Variants in CACNA2D1 observed in about 807,000 individuals in gnomAD.
CACNA2D1 encodes voltage-dependent calcium channel subunit alpha-2/delta-1.
In CACNA2D1, 53 loss-of-function variants were observed where a neutral mutation model predicts 171.5. The observed-to-expected ratio is 0.31, with a 90% confidence interval of 0.25 to 0.39. The LOEUF (loss-of-function observed/expected upper bound fraction) is 0.39, where lower values mean the gene tolerates loss of function less well. Ranked by LOEUF, CACNA2D1 falls within the 10% of genes least tolerant of loss-of-function variation. The probability of loss-of-function intolerance (pLI) is 1.00; values close to 1 mark genes in which losing one functional copy is unlikely to be tolerated. For missense variants in CACNA2D1, 903 were observed against 1,299.8 expected (o/e 0.69, Z 4.69); for synonymous variants, 442 against 443.1 (o/e 1.00, Z 0.03).
At chr7:82,397,030 C>T (rs1454844898) in intron 1 of CACNA2D1, among the ~76,000 whole-genome samples, 2 of 152,036 alleles carry the variant, frequency 1.3e-5, no homozygotes, top group East Asian at 1.9e-4. Context: ...TGTCTTTCAC[C>T]TGTTTCTAGG....
intron 3 of CACNA2D1, among the ~76,000 whole-genome samples, chr7:82,326,951 G>A (rs1263882014): frequency 6.6e-6 from 1 of 152,158 alleles, no homozygotes; most frequent in Admixed American, 6.5e-5. Flanking sequence ...ATTCTATTAA[G>A]TTTGTGCAAA....
intron 1 of CACNA2D1, among the ~76,000 whole-genome samples, chr7:82,384,843 C>T (rs937965391): frequency 6.6e-6 from 1 of 152,154 alleles, no homozygotes; most frequent in African/African-American, 2.4e-5. Context: ...CTGCCAAAAA[C>T]AGCAGAGATG....
intron 2 of CACNA2D1, among the ~76,000 whole-genome samples, chr7:82,337,764 T>A (rs1185318328): frequency 2.0e-5 from 3 of 152,160 alleles, no homozygotes; most frequent in Non-Finnish European, 4.4e-5. Context: ...GAATGTAGCA[T>A]ATAGACAGAC....
chr7:82,443,499 G>A lies in CACNA2D1; in HGVS notation c.-40C>T, dbSNP rs200428602. The A allele has an allele frequency of 4.4e-6, 7 of 1,596,656 alleles. No individual in the cohort carries two copies. The highest frequency in any genetic ancestry group is 1.7e-4 in the Middle Eastern group (1 of 6,026). On this transcript the variant is annotated 5_prime_UTR_variant, in exon 1 of 39. Coordinates refer to ENST00000356860, the MANE Select transcript of CACNA2D1 (RefSeq NM_000722.4). ...ATCAATGCCCCCTCCCTGCCCAAGC[G>A]GGGGAAGGAGCGGCGCTGGAAACCG... is the stretch of plus-strand genomic sequence containing the variant.
Position 82,373,497 on chromosome 7 carries a change from TTTAA to T in CACNA2D1, c.96-23852_96-23849del, listed in dbSNP as rs372608034. ...TTTTCTGTGCTGTCAATTCCCCCTT[TTTAA>T]TTGTTACAGGATCTCATACATAATG... is the stretch of plus-strand genomic sequence containing the variant. On this transcript the variant is annotated intron_variant, in intron 1 of 38. Transcript: ENST00000356860. 7.3e-4 allele frequency among the ~76,000 whole-genome samples: 111 copies of T among 152,316 alleles called. No homozygotes were observed. The East Asian group carries it at 0.016, about 22-fold the overall frequency.
At chr7:82,398,166 G>C (rs1825943570) in intron 1 of CACNA2D1, among the ~76,000 whole-genome samples, 1 of 152,172 alleles carries the variant, frequency 6.6e-6, no homozygotes. Context: ...GGGCTCAATA[G>C]CCTTAGAGCC....
At chr7:82,399,829 C>T (rs949907202) in intron 1 of CACNA2D1, among the ~76,000 whole-genome samples, 9 of 151,896 alleles carry the variant, frequency 5.9e-5, no homozygotes, top group Admixed American at 1.3e-4. Context: ...ACCTTCACTA[C>T]ATTAAAGGTG....
chr7:82,031,544 T>G (rs1802700028), intron 12 of CACNA2D1, among the ~76,000 whole-genome samples: 1 of 151,920 alleles, frequency 6.6e-6, no homozygotes, highest in African/African-American at 2.4e-5. Flanking sequence ...CCTTAAACCT[T>G]ACATTAAACT....
chr7:82,360,798 T>C (rs776269462), intron 1 of CACNA2D1, among the ~76,000 whole-genome samples: 16 of 152,188 alleles, frequency 1.1e-4, no homozygotes, highest in Admixed American at 3.9e-4. Flanking sequence ...GGCACTTCTT[T>C]TAAATATAGC....
In CACNA2D1 at chr7:82,179,077, A is replaced by G. The variant is rs930708298; in HGVS notation, c.295-8468T>C. ...AGCTGTCCTCCTACACGACAAGCAT[A>G]CATCACCACCTAATTCTTAAAAATT... On this transcript the variant is annotated intron_variant, in intron 3 of 38. Coordinates refer to ENST00000356860, the MANE Select transcript of CACNA2D1 (RefSeq NM_000722.4). Among the ~76,000 whole-genome samples the G allele has an allele frequency of 3.9e-5, 6 of 152,172 alleles. No individual in the cohort carries two copies. In the East Asian group the frequency reaches 1.2e-3, roughly 29 times the overall value.
chr7:82,211,544 C>CT (rs953752786), intron 3 of CACNA2D1, among the ~76,000 whole-genome samples: 7 of 152,168 alleles, frequency 4.6e-5, no homozygotes, highest in African/African-American at 1.7e-4. Flanking sequence ...TGATGTTGTT[C>CT]TTTTTTATGG....
At chr7:82,230,463 G>A (rs1020235733) in intron 3 of CACNA2D1, among the ~76,000 whole-genome samples, 1 of 152,068 alleles carries the variant, frequency 6.6e-6, no homozygotes, top group African/African-American at 2.4e-5. Flanking sequence ...CATGTCTTTT[G>A]CCAATCTGCA....
At chr7:82,384,764 A>C (rs2129449796) in intron 1 of CACNA2D1, among the ~76,000 whole-genome samples, 1 of 152,374 alleles carries the variant, frequency 6.6e-6, no homozygotes, top group African/African-American at 2.4e-5. Flanking sequence ...TAAATGACAA[A>C]AATGGCACTT....
At chr7:82,220,071 A>G (rs962371527) in intron 3 of CACNA2D1, among the ~76,000 whole-genome samples, 1 of 152,212 alleles carries the variant, frequency 6.6e-6, no homozygotes, top group Admixed American at 6.5e-5. Flanking sequence ...AAAAAACTGC[A>G]TAAAATTAGA....
intron 2 of CACNA2D1, among the ~76,000 whole-genome samples, chr7:82,348,191 T>C (rs1448431811): frequency 1.3e-5 from 2 of 152,148 alleles, no homozygotes; most frequent in Non-Finnish European, 2.9e-5. Context: ...ATTTAAATAG[T>C]ATCTAAATGA....
In CACNA2D1 at chr7:82,236,638, A is replaced by G. The variant is rs562353639; in HGVS notation, c.295-66029T>C. Among the ~76,000 whole-genome samples, 10 of 152,106 alleles carry G rather than the reference A, an allele frequency of 6.6e-5. 1 individual carries two copies. The South Asian group carries it at 2.1e-3, about 31-fold the overall frequency. On this transcript the variant is annotated intron_variant, in intron 3 of 38. Coordinates refer to ENST00000356860, the MANE Select transcript of CACNA2D1 (RefSeq NM_000722.4). Reference sequence around the variant, plus strand: ...GAGTAAGCATTTTCTTCACTGATTAATATTAGAATGGAGAATTCAACCAAA... The same window carrying G: ...GAGTAAGCATTTTCTTCACTGATTAGTATTAGAATGGAGAATTCAACCAAA...
At chr7:82,315,502 TAAGA>T (rs1301658174) in intron 3 of CACNA2D1, among the ~76,000 whole-genome samples, 1 of 151,792 alleles carries the variant, frequency 6.6e-6, no homozygotes, top group Non-Finnish European at 1.5e-5. Context: ...ATTTTCTCAT[TAAGA>T]GACAGAAATT....
chr7:82,045,791 TAC>T lies in CACNA2D1; in HGVS notation c.880-7558_880-7557del, dbSNP rs1339681116. Among the ~76,000 whole-genome samples, 4 of 152,136 alleles carry T rather than the reference TAC, an allele frequency of 2.6e-5. No homozygotes were observed. In the East Asian group the frequency reaches 7.7e-4, roughly 29 times the overall value. ...TTAAGTTGTTTAACTTTCAACAAGC[TAC>T]AGTTTTAGTTTTAATAGGCTTCCCA... On this transcript the variant is annotated intron_variant, in intron 10 of 38. Transcript: ENST00000356860.
chr7:82,137,060 T>A (rs2129079230), intron 4 of CACNA2D1, among the ~76,000 whole-genome samples: 1 of 152,334 alleles, frequency 6.6e-6, no homozygotes, highest in South Asian at 2.1e-4. Flanking sequence ...GCCATGATTT[T>A]TATATACATA....
Sources: gnomAD v4.1 joint callset for allele counts (sites outside exome capture counted in the v4.1 genomes callset) on GRCh38, gnomAD v4.1.1 for gene constraint, MANE v1.5 for transcripts, NCBI Gene and HGNC (gene_info 2026-07-23, HGNC 2026-07-21) for gene names.